REDIC1: variants seen among roughly 807,000 people sequenced by gnomAD.
REDIC1 encodes the protein HEI10 Interacting Protein 1.
chr12:39,653,042 G>A, the REDIC1 span, among the ~76,000 whole-genome samples: 3 of 151,846 alleles, frequency 2.0e-5, no homozygotes. Flanking sequence ...GGATCTGATG[G>A]TCAGTTTCTG....
the REDIC1 span, among the ~76,000 whole-genome samples, chr12:39,681,860 ATTTT>A: frequency 3.3e-5 from 5 of 152,026 alleles, no homozygotes; most frequent in African/African-American, 1.2e-4. Flanking sequence ...TTTTTTCCTA[ATTTT>A]TTTGATAACT....
the REDIC1 span, among the ~76,000 whole-genome samples, chr12:39,903,428 C>T: frequency 1.3e-5 from 2 of 152,032 alleles, no homozygotes; most frequent in Admixed American, 1.3e-4. Context: ...GAGTAGTAAA[C>T]ATCTGCTGTG....
chr12:39,632,101 A>ATTTTTTTTTTTTTTTTTTTTTTTTT, the REDIC1 span, among the ~76,000 whole-genome samples: 1 of 151,168 alleles, frequency 6.6e-6, no homozygotes, highest in Non-Finnish European at 1.5e-5. Flanking sequence ...ATTTATTTTT[A>ATTTTTTTTTTTTTTTTTTTTTTTTT]TTTTTTATTT....
chr12:39,787,170 CA>C, the REDIC1 span, among the ~76,000 whole-genome samples: 3 of 152,134 alleles, frequency 2.0e-5, no homozygotes, highest in African/African-American at 4.8e-5. Flanking sequence ...GGTTAACACA[CA>C]AGCCTTGCAG....
At chr12:39,792,949 T>G in the REDIC1 span, among the ~76,000 whole-genome samples, 1 of 152,174 alleles carries the variant, frequency 6.6e-6, no homozygotes, top group African/African-American at 2.4e-5. Context: ...GTTATGAACT[T>G]TAAGTAGGCA....
the REDIC1 span, among the ~76,000 whole-genome samples, chr12:39,807,072 GCCAC>G: frequency 1.3e-5 from 2 of 150,226 alleles, no homozygotes; most frequent in African/African-American, 5.0e-5. Flanking sequence ...TATAGTTTTT[GCCAC>G]TGAAAGTAAT....
At chr12:39,776,589 A>G in the REDIC1 span, among the ~76,000 whole-genome samples, 2,143 of 152,348 alleles carry the variant, frequency 0.014, 49 homozygotes, top group African/African-American at 0.048. Flanking sequence ...CCATACTGCA[A>G]TAGAAGCCAT....
the REDIC1 span, among the ~76,000 whole-genome samples, chr12:39,699,441 G>T: frequency 6.6e-6 from 1 of 152,240 alleles, no homozygotes; most frequent in Non-Finnish European, 1.5e-5. Flanking sequence ...ACATGGCTCA[G>T]AGGGTCCTAC....
the REDIC1 span, among the ~76,000 whole-genome samples, chr12:39,709,054 C>A: frequency 6.6e-6 from 1 of 151,664 alleles, no homozygotes; most frequent in African/African-American, 2.4e-5. Flanking sequence ...GCGTAAAATA[C>A]CTTTAAGCAC....
At chr12:39,758,955 T>G in the REDIC1 span, 1 of 152,330 alleles carries the variant, frequency 6.6e-6, no homozygotes. Flanking sequence ...CCCATTATTT[T>G]TATTAAACAA....
chr12:39,679,156 G>A, the REDIC1 span, among the ~76,000 whole-genome samples: 1 of 152,086 alleles, frequency 6.6e-6, no homozygotes, highest in South Asian at 2.1e-4. Context: ...GTCCTAGCCA[G>A]AGCAATCAGA....
chr12:39,693,678 T>C, the REDIC1 span, among the ~76,000 whole-genome samples: 3 of 152,176 alleles, frequency 2.0e-5, no homozygotes, highest in Non-Finnish European at 4.4e-5. Flanking sequence ...TGAACTGTAG[T>C]TTTTTCAGTC....
the REDIC1 span, among the ~76,000 whole-genome samples, chr12:39,889,258 A>T: frequency 2.6e-5 from 4 of 152,096 alleles, no homozygotes; most frequent in East Asian, 7.7e-4. Flanking sequence ...CAAATTTGTT[A>T]TCAATATAAC....
At chr12:39,742,267 A>G in the REDIC1 span, among the ~76,000 whole-genome samples, 3 of 152,128 alleles carry the variant, frequency 2.0e-5, no homozygotes, top group Admixed American at 6.5e-5. Flanking sequence ...TTTTTAAAAG[A>G]GGCCACTCTG....
the REDIC1 span, chr12:39,716,904 T>A: frequency 9.0e-7 from 1 of 1,116,396 alleles, no homozygotes. Flanking sequence ...TTCTCATAGT[T>A]TACCTTTACC....
At chr12:39,641,619 A>C in the REDIC1 span, among the ~76,000 whole-genome samples, 19 of 151,950 alleles carry the variant, frequency 1.3e-4, no homozygotes, top group African/African-American at 4.3e-4. Flanking sequence ...ATAGCAGTGC[A>C]AATGTATAAG....
At chr12:39,712,558 T>TGTATATAC in the REDIC1 span, among the ~76,000 whole-genome samples, 2 of 142,354 alleles carry the variant, frequency 1.4e-5, no homozygotes, top group Non-Finnish European at 3.1e-5. Context: ...ACGACATATG[T>TGTATATAC]GTATATACGT....
the REDIC1 span, among the ~76,000 whole-genome samples, chr12:39,711,204 T>A: frequency 6.6e-6 from 1 of 151,112 alleles, no homozygotes; most frequent in East Asian, 1.9e-4. Flanking sequence ...TTCCTTCCTT[T>A]TTATGGCTGC....
the REDIC1 span, among the ~76,000 whole-genome samples, chr12:39,652,068 C>G: frequency 1.3e-5 from 2 of 151,986 alleles, no homozygotes; most frequent in African/African-American, 4.8e-5. Context: ...TGGTTGTTGC[C>G]CGTATCTATA....
Sources: allele counts gnomAD v4.1 joint callset (sites outside exome capture counted in the v4.1 genomes callset), GRCh38; gene constraint gnomAD v4.1.1; transcripts MANE v1.5; gene names NCBI Gene and HGNC (gene_info 2026-07-23, HGNC 2026-07-21).